The following CDK8 variants were observed in gnomAD, a reference collection of about 807,000 sequenced individuals.
The protein encoded by CDK8 is cyclin-dependent kinase 8.
In CDK8, 29 loss-of-function variants were observed where a neutral mutation model predicts 71.5. The observed-to-expected ratio is 0.41, with a 90% CI of 0.30 to 0.55. CDK8 has a LOEUF of 0.55. Ranked by LOEUF, CDK8 falls within the 20% of genes least tolerant of loss-of-function variation. CDK8 has a pLI of 0.37. For synonymous variants in CDK8, 161 were observed against 192.1 expected (o/e 0.84, Z 1.34); for missense variants, 288 against 572.6 (o/e 0.50, Z 5.07).
chr13:26,366,105 A>C (rs1874375575), intron 4 of CDK8, among the ~76,000 whole-genome samples: 2 of 152,080 alleles, frequency 1.3e-5, no homozygotes, highest in Admixed American at 1.3e-4. Context: ...ATTAGATAAG[A>C]TTTTCTTTTA....
At chr13:26,382,714 G>A in intron 4 of CDK8, 100 bp from the exon 5 acceptor site, 1 of 684,952 alleles carries the variant, frequency 1.5e-6, no homozygotes, top group Non-Finnish European at 2.4e-6. Context: ...TTGAATAAAT[G>A]AGATTTTTTA....
intron 1 of CDK8, among the ~76,000 whole-genome samples, chr13:26,311,253 G>C (rs891427298): frequency 6.6e-6 from 1 of 151,922 alleles, no homozygotes; most frequent in Admixed American, 6.6e-5. Context: ...AACATACCTT[G>C]TAAAAGATCT....
At chr13:26,294,846 T>A (rs1873469827) in intron 1 of CDK8, among the ~76,000 whole-genome samples, 1 of 151,952 alleles carries the variant, frequency 6.6e-6, no homozygotes, top group African/African-American at 2.4e-5. Flanking sequence ...GCCTCCTGGG[T>A]TCAAGCGATT....
At chr13:26,345,359 T>C (rs1378670883) in intron 2 of CDK8, among the ~76,000 whole-genome samples, 3 of 152,062 alleles carry the variant, frequency 2.0e-5, no homozygotes, top group Non-Finnish European at 2.9e-5. Context: ...TTTTTTTAAT[T>C]GATATTTAAT....
At chr13:26,277,897 G>A (rs906508994) in intron 1 of CDK8, among the ~76,000 whole-genome samples, 2 of 152,158 alleles carry the variant, frequency 1.3e-5, no homozygotes, top group Non-Finnish European at 2.9e-5. Context: ...TCTCCCATAT[G>A]GGTACTAGTT....
chr13:26,331,868 T>C (rs890160539), intron 1 of CDK8, among the ~76,000 whole-genome samples: 1 of 152,186 alleles, frequency 6.6e-6, no homozygotes, highest in Non-Finnish European at 1.5e-5. Flanking sequence ...GTATTTTGAC[T>C]GGGATTGTAT....
intron 1 of CDK8, among the ~76,000 whole-genome samples, chr13:26,261,385 G>GCGC (rs1871764657): frequency 6.6e-6 from 1 of 152,100 alleles, no homozygotes; most frequent in South Asian, 2.1e-4. Context: ...GATCGACGAG[G>GCGC]CTGTGCAACC....
chr13:26,263,551 C>T (rs1199163885), intron 1 of CDK8, among the ~76,000 whole-genome samples: 2 of 152,162 alleles, frequency 1.3e-5, no homozygotes, highest in Non-Finnish European at 2.9e-5. Flanking sequence ...AAGAGATTCT[C>T]CTGCCTCAGC....
intron 4 of CDK8, among the ~76,000 whole-genome samples, chr13:26,358,202 G>A (rs1873979034): frequency 6.6e-6 from 1 of 152,144 alleles, no homozygotes; most frequent in Non-Finnish European, 1.5e-5. Context: ...GGGAGGTTGA[G>A]GCAGGAGAAT....
intron 1 of CDK8, among the ~76,000 whole-genome samples, chr13:26,303,111 G>A (rs1237929329): frequency 1.3e-5 from 2 of 151,944 alleles, no homozygotes; most frequent in East Asian, 3.9e-4. Context: ...ATGTATGCAT[G>A]TATATCTTTG....
chr13:26,311,793 A>G (rs1874295106), intron 1 of CDK8, among the ~76,000 whole-genome samples: 1 of 152,190 alleles, frequency 6.6e-6, no homozygotes, highest in Non-Finnish European at 1.5e-5. Flanking sequence ...GAATTGGTTC[A>G]TAGCCTATTT....
Position 26,397,174 on chromosome 13 carries a change from C to G in CDK8, c.882C>G (p.Ile294Met). The G allele has an allele frequency of 4.4e-6, 7 of 1,592,430 alleles. No individual in the cohort carries two copies. Among genetic ancestry groups the G allele is most frequent in the Non-Finnish European group, 5.2e-6 (6 of 1,162,332 alleles). Residue 294 changes from isoleucine to methionine, a missense_variant, in exon 9 of 13, where the codon ATC becomes ATG. Around this residue, in one of 6 missense-constraint regions of CDK8, gnomAD observed 96 missense variants for 229.8 expected, o/e 0.42. Transcript: ENST00000381527. The part of the protein sequence containing the change: ...RRNTYTNCSL[I>M]KYMEKHKVKP... The stretch of plus-strand genomic sequence containing the variant: ...TCAGGTATACCAACTGCAGCCTTAT[C>G]AAGTATATGGAAAAACATAAAGTTA...
intron 1 of CDK8, among the ~76,000 whole-genome samples, chr13:26,286,560 C>T (rs1873030552): frequency 6.6e-6 from 1 of 152,170 alleles, no homozygotes; most frequent in Admixed American, 6.5e-5. Flanking sequence ...TATAAAAATT[C>T]TAGAAGATAA....
intron 1 of CDK8, among the ~76,000 whole-genome samples, chr13:26,327,631 C>T (rs1875078445): frequency 6.6e-6 from 1 of 152,094 alleles, no homozygotes; most frequent in Non-Finnish European, 1.5e-5. Flanking sequence ...GAGTTCGAGA[C>T]CAGCCTGGAC....
intron 1 of CDK8, among the ~76,000 whole-genome samples, chr13:26,295,741 A>G (rs1036995325): frequency 3.3e-5 from 5 of 152,196 alleles, no homozygotes; most frequent in African/African-American, 1.2e-4. Flanking sequence ...TATAGATAGT[A>G]TGTGATTGTT....
Position 26,400,476 on chromosome 13 carries a change from C to T in CDK8, c.957C>T (p.Asp319=), listed in dbSNP as rs1342880256. ...FHLLQKLLTM[D]PIKRITSEQA... The stretch of plus-strand genomic sequence containing the variant: ...AGCTTCAGAAGCTGCTTACCATGGA[C>T]CCAATAAAGCGAATTACCTCAGAAC... Residue 319 remains aspartate (D), a synonymous_variant, in exon 10 of 13, where the codon GAC becomes GAT. Transcript: ENST00000381527. 6.2e-7 allele frequency: 1 copy of T among 1,612,238 alleles called. No individual in the cohort carries two copies. The highest frequency in any genetic ancestry group is 2.2e-5 in the East Asian group (1 of 44,838).
At chr13:26,358,759 G>A (rs1360536893) in intron 4 of CDK8, among the ~76,000 whole-genome samples, 1 of 152,178 alleles carries the variant, frequency 6.6e-6, no homozygotes, top group Non-Finnish European at 1.5e-5. Context: ...TCCATCAGTG[G>A]ATAAATGGGT....
intron 1 of CDK8, among the ~76,000 whole-genome samples, chr13:26,294,975 C>T (rs1873477679): frequency 6.6e-6 from 1 of 152,132 alleles, no homozygotes; most frequent in African/African-American, 2.4e-5. Context: ...ATCTCGATCC[C>T]TTGACCTCGT....
At chr13:26,373,405 C>T (rs984262569) in intron 4 of CDK8, among the ~76,000 whole-genome samples, 1 of 151,898 alleles carries the variant, frequency 6.6e-6, no homozygotes. Flanking sequence ...AACTGCTGGA[C>T]ATAATTACAG....
Sources: gnomAD v4.1 joint callset for allele counts (sites outside exome capture counted in the v4.1 genomes callset) on GRCh38, gnomAD v4.1.1 for gene constraint, gnomAD v4.1.1 regional missense constraint, MANE v1.5 for transcripts, NCBI Gene and HGNC (gene_info 2026-07-23, HGNC 2026-07-21) for gene names.